Variants in LIPM observed in about 807,000 individuals in gnomAD.
LIPM encodes the protein lipase family member M, also known as lipase member M.
In LIPM, 42 loss-of-function variants were observed where a neutral mutation model predicts 42.4. That is an observed-to-expected ratio of 0.99 (90% confidence interval 0.77 to 1.28). LIPM has a LOEUF of 1.28. Among genes scored for constraint, LIPM ranks in the 50% most tolerant of loss-of-function variants. The pLI, the probability that LIPM is intolerant of heterozygous loss-of-function variation, is 0.00. For synonymous variants in LIPM, 177 were observed against 173.3 expected (o/e 1.02, Z -0.17); for missense variants, 524 against 520.1 (o/e 1.01, Z -0.07).
chr10:88,805,789 A>G (rs1254139373), intron 1 of LIPM: 1 of 302,288 alleles, frequency 3.3e-6, no homozygotes, highest in Non-Finnish European at 6.6e-6. Context: ...ACAGACTCTG[A>G]GGCAGAATTC....
In LIPM at chr10:88,816,930, T is replaced by C. The variant is rs138421910; in HGVS notation, c.930+43T>C. Reference sequence around the variant, plus strand: ...GCAGTCTTTGCTAAATGTCCTGTTATATTTTGTGTAGAATAGTCAAAGGAC... The same window carrying C: ...GCAGTCTTTGCTAAATGTCCTGTTACATTTTGTGTAGAATAGTCAAAGGAC... On this transcript the variant is annotated intron_variant, in intron 7 of 8. Transcript: ENST00000404743. 288 of 1,414,276 alleles carry C rather than the reference T, an allele frequency of 2.0e-4. 7 individuals are homozygous for C. In the East Asian group the frequency reaches 3.8e-3, roughly 18 times the overall value. 87.6% of individuals were successfully genotyped at this position (1,414,276 alleles called of 1,614,324 possible).
intron 2 of LIPM, among the ~76,000 whole-genome samples, chr10:88,811,990 C>T (rs1843661649): frequency 6.6e-6 from 1 of 152,164 alleles, no homozygotes; most frequent in Non-Finnish European, 1.5e-5. Flanking sequence ...GCTGTTTTCC[C>T]TCCTCTGGTC....
At position 88,820,338 on chromosome 10, in the gene LIPM, C is replaced by T; in HGVS notation, c.1109C>T (p.Ser370Phe). 1 of 1,552,304 alleles carries T rather than the reference C, an allele frequency of 6.4e-7. No individual in the cohort carries two copies. Among genetic ancestry groups the T allele is most frequent in the Non-Finnish European group, 8.7e-7 (1 of 1,147,112 alleles). The change falls in exon 9 of 9, where the codon TCT becomes TTT. Residue 370 changes from serine (S) to phenylalanine (F), a missense_variant. Transcript: ENST00000404743. ...SNPEDVKMLL[S>F]EVTNLIYHKN... ...CCAGAAGACGTGAAAATGCTGCTCT[C>T]TGAGGTGACCAACCTCATCTACCAT... is the stretch of plus-strand genomic sequence containing the variant.
Position 88,808,306 on chromosome 10 carries a change from C to A in LIPM, c.156C>A (p.Ile52=). 6.5e-7 allele frequency: 1 copy of A among 1,542,568 alleles called. No homozygotes were observed. The highest frequency in any genetic ancestry group is 8.8e-7 in the Non-Finnish European group (1 of 1,138,782). The change falls in exon 2 of 9, where the codon ATC becomes ATA. Residue 52 remains isoleucine, a synonymous_variant. Coordinates refer to ENST00000404743, the MANE Select transcript of LIPM (RefSeq NM_001128215.1). ...TTGTGCTTTTTCCATAGAGTGAAAT[C>A]ATCCAACATCAAGGCTATCCCTGTG... ...DPEAFMNISE[I]IQHQGYPCEE...
intron 8 of LIPM, among the ~76,000 whole-genome samples, chr10:88,819,441 C>T (rs969408122): frequency 2.6e-5 from 4 of 152,076 alleles, no homozygotes; most frequent in African/African-American, 9.7e-5. Flanking sequence ...ATAACTGAGC[C>T]ACAAAGAGAA....
chr10:88,806,126 T>C (rs916680508), intron 1 of LIPM: 7 of 401,316 alleles, frequency 1.7e-5, no homozygotes, highest in African/African-American at 1.2e-4. Context: ...TTCCAGTGGA[T>C]GGGACCAGTC....
At chr10:88,813,014 T>G in intron 2 of LIPM, 83 bp from the exon 3 acceptor site, 1 of 1,188,388 alleles carries the variant, frequency 8.4e-7, no homozygotes, top group Non-Finnish European at 1.2e-6. Flanking sequence ...ACAGGTTTGT[T>G]TGATTTGAAA....
chr10:88,809,831 C>T (rs528619439), intron 2 of LIPM, among the ~76,000 whole-genome samples: 1 of 152,094 alleles, frequency 6.6e-6, no homozygotes, highest in South Asian at 2.1e-4. Flanking sequence ...ACATGTCTAG[C>T]GTGCACCTGC....
intron 4 of LIPM, 72 bp downstream of exon 4, chr10:88,814,711 T>G: frequency 1.7e-6 from 2 of 1,168,690 alleles, no homozygotes; most frequent in Non-Finnish European, 1.2e-6. Context: ...ATCCCTGAAA[T>G]CTGTCACCTT....
intron 8 of LIPM, among the ~76,000 whole-genome samples, chr10:88,818,379 C>T (rs1394102558): frequency 3.3e-5 from 5 of 152,130 alleles, no homozygotes; most frequent in African/African-American, 1.2e-4. Flanking sequence ...AATTTCTTTA[C>T]CTTGAAAATA....
rs189443886 is a variant in LIPM, at chr10:88,809,606, G to A, written c.265+1191G>A. 6.6e-5 allele frequency among the ~76,000 whole-genome samples: 10 copies of A among 152,290 alleles called. No individual in the cohort carries two copies. In the East Asian group the frequency reaches 1.9e-3, roughly 29 times the overall value. On this transcript the variant is annotated intron_variant, in intron 2 of 8. Transcript: ENST00000404743. Reference sequence around the variant, plus strand: ...CAACTTGCCCAAAACGTCTGTGCTAGTGCTTGCTAGTGAGTTGTAAAACCT... The same window carrying A: ...CAACTTGCCCAAAACGTCTGTGCTAATGCTTGCTAGTGAGTTGTAAAACCT...
chr10:88,817,936 T>C, intron 8 of LIPM, 40 bp downstream of exon 8: 1 of 1,391,634 alleles, frequency 7.2e-7, no homozygotes, highest in South Asian at 1.2e-5. Flanking sequence ...ATATATACAT[T>C]GGAAATGTAT....
At chr10:88,803,827 A>T (rs1195984349) in intron 1 of LIPM, among the ~76,000 whole-genome samples, 1 of 152,166 alleles carries the variant, frequency 6.6e-6, no homozygotes, top group South Asian at 2.1e-4. Flanking sequence ...AACAAGTTGA[A>T]CAAGGCCATA....
intron 2 of LIPM, among the ~76,000 whole-genome samples, chr10:88,811,302 G>T (rs1354358518): frequency 6.6e-6 from 1 of 152,158 alleles, no homozygotes; most frequent in African/African-American, 2.4e-5. Context: ...TTGCTAATGA[G>T]AACACTGAAG....
intron 2 of LIPM, among the ~76,000 whole-genome samples, chr10:88,808,930 T>TATTTA (rs1395642166): frequency 7.7e-6 from 1 of 130,436 alleles, no homozygotes; most frequent in African/African-American, 3.2e-5. Flanking sequence ...TATTTTATTT[T>TATTTA]ATTTTATTTT....
intron 7 of LIPM, 54 bp downstream of exon 7, chr10:88,816,941 G>A (rs1429210818): frequency 7.5e-7 from 1 of 1,339,038 alleles, no homozygotes; most frequent in Non-Finnish European, 1.0e-6. Flanking sequence ...ATTTTGTGTA[G>A]AATAGTCAAA....
chr10:88,818,871 C>T (rs1843750715), intron 8 of LIPM, among the ~76,000 whole-genome samples: 1 of 151,938 alleles, frequency 6.6e-6, no homozygotes, highest in African/African-American at 2.4e-5. Context: ...TATTTCTGTT[C>T]AAAGATGTTT....
chr10:88,806,663 A>G (rs1268450711), intron 1 of LIPM, among the ~76,000 whole-genome samples: 1 of 152,118 alleles, frequency 6.6e-6, no homozygotes, highest in Non-Finnish European at 1.5e-5. Flanking sequence ...ATTCTGATGC[A>G]TGCTAAAATT....
chr10:88,817,713 C>T, intron 7 of LIPM, 112 bp from the exon 8 acceptor site: 1 of 676,106 alleles, frequency 1.5e-6, no homozygotes, highest in Non-Finnish European at 2.6e-6. Context: ...GCAGCTCAAC[C>T]ATTGCTCTCT....
Sources: gnomAD v4.1 joint callset for allele counts (sites outside exome capture counted in the v4.1 genomes callset) on GRCh38, gnomAD v4.1.1 for gene constraint, MANE v1.5 for transcripts, NCBI Gene and HGNC (gene_info 2026-07-23, HGNC 2026-07-21) for gene names.